GRID2: variants seen among roughly 807,000 people sequenced by gnomAD.
GRID2 encodes the protein glutamate ionotropic receptor delta type subunit 2.
A neutral mutation model predicts 114.8 loss-of-function variants in GRID2; 33 were observed. That is an observed-to-expected ratio of 0.29 (90% CI 0.22 to 0.38). The LOEUF (loss-of-function observed/expected upper bound fraction) is 0.38. Ranked by LOEUF, GRID2 falls within the 10% of genes least tolerant of loss-of-function variation. GRID2 has a pLI of 1.00. For missense variants in GRID2, 1,184 were observed against 1,257.7 expected (o/e 0.94, Z 0.89); for synonymous variants, 505 against 449.9 (o/e 1.12, Z -1.55).
intron 2 of GRID2, among the ~76,000 whole-genome samples, chr4:93,061,845 C>T (rs1406118710): frequency 6.6e-6 from 1 of 152,122 alleles, no homozygotes. Context: ...GAGGTAGACA[C>T]TACCTGACAG....
chr4:93,348,623 A>G (rs916736324), intron 8 of GRID2, among the ~76,000 whole-genome samples: 3 of 152,084 alleles, frequency 2.0e-5, no homozygotes, highest in African/African-American at 7.2e-5. Context: ...GAGGCCCCAG[A>G]CTGTGCTGGG....
At chr4:92,497,955 G>A (rs1456274173) in intron 1 of GRID2, among the ~76,000 whole-genome samples, 1 of 151,716 alleles carries the variant, frequency 6.6e-6, no homozygotes, top group African/African-American at 2.4e-5. Flanking sequence ...AATAAATACA[G>A]CTGTAAACAT....
rs573983397 is a variant in GRID2 at position 92,381,975 on chromosome 4, T to C, written c.88+77231T>C. ...ACTATTTTTTCAAGTTTTTCATGATTTTTCCCCCTAAGTGGAAATAGGATT... is the reference window on the plus strand; with the variant it reads ...ACTATTTTTTCAAGTTTTTCATGATCTTTCCCCCTAAGTGGAAATAGGATT... On this transcript the variant is annotated intron_variant, in intron 1 of 15. Transcript: ENST00000282020. Among the ~76,000 whole-genome samples the C allele has an allele frequency of 2.6e-5, 4 of 152,148 alleles. No homozygotes were observed. In the South Asian group the frequency reaches 8.3e-4, roughly 32 times the overall value.
intron 12 of GRID2, among the ~76,000 whole-genome samples, chr4:93,513,910 G>A (rs1391594465): frequency 6.6e-6 from 1 of 152,136 alleles, no homozygotes; most frequent in Non-Finnish European, 1.5e-5. Flanking sequence ...TGGTTGCAAA[G>A]ATCCTCAGGA....
chr4:92,865,874 A>G (rs1744826256), intron 2 of GRID2, among the ~76,000 whole-genome samples: 1 of 152,380 alleles, frequency 6.6e-6, no homozygotes, highest in Non-Finnish European at 1.5e-5. Flanking sequence ...AATGACACTA[A>G]CATGACAGCT....
chr4:92,587,098 CTGTGTGTGTGTGTGTGTGTGTGTG>C (rs70942914), intron 1 of GRID2, among the ~76,000 whole-genome samples: 1 of 133,842 alleles, frequency 7.5e-6, no homozygotes, highest in East Asian at 2.4e-4. Context: ...TGATGAAATG[CTGTGTGTGTGTGTGTGTGTGTGTG>C]TGTGTGTGTG....
At chr4:92,922,118 G>T (rs949021912) in intron 2 of GRID2, among the ~76,000 whole-genome samples, 2 of 152,172 alleles carry the variant, frequency 1.3e-5, no homozygotes, top group Non-Finnish European at 2.9e-5. Flanking sequence ...CAATGAGTGA[G>T]GCTCCGTGGG....
At chr4:92,570,627 T>C (rs1727562887) in intron 1 of GRID2, among the ~76,000 whole-genome samples, 1 of 152,098 alleles carries the variant, frequency 6.6e-6, no homozygotes, top group African/African-American at 2.4e-5. Flanking sequence ...ATTTCTGATT[T>C]ATTTGACAGT....
intron 4 of GRID2, among the ~76,000 whole-genome samples, chr4:93,142,081 G>T (rs975699191): frequency 6.6e-6 from 1 of 152,150 alleles, no homozygotes; most frequent in African/African-American, 2.4e-5. Flanking sequence ...GAGCATGGTG[G>T]TGTGTGCCTG....
chr4:92,953,807 CTTTAT>C (rs1427637390), intron 2 of GRID2, among the ~76,000 whole-genome samples: 3 of 152,042 alleles, frequency 2.0e-5, no homozygotes, highest in Admixed American at 6.6e-5. Context: ...CAGAAATGTG[CTTTAT>C]TTTAATATCA....
intron 1 of GRID2, among the ~76,000 whole-genome samples, chr4:92,384,117 GTGTGTGTATA>G (rs1377658243): frequency 6.6e-6 from 1 of 151,406 alleles, no homozygotes; most frequent in East Asian, 1.9e-4. Context: ...TAATTTGGCA[GTGTGTGTATA>G]TGTGTGTGTA....
At chr4:93,057,145 T>G (rs1330924341) in intron 2 of GRID2, among the ~76,000 whole-genome samples, 1 of 142,298 alleles carries the variant, frequency 7.0e-6, no homozygotes, top group Non-Finnish European at 1.5e-5. Context: ...CTGAAGTGTG[T>G]GAGTGTGTAT....
intron 1 of GRID2, among the ~76,000 whole-genome samples, chr4:92,531,588 T>C (rs915751957): frequency 2.0e-5 from 3 of 152,158 alleles, no homozygotes; most frequent in Non-Finnish European, 2.9e-5. Flanking sequence ...GTTGAAATAC[T>C]AACTACATTT....
chr4:93,548,233 T>C (rs1038667167), intron 13 of GRID2, among the ~76,000 whole-genome samples: 1 of 152,060 alleles, frequency 6.6e-6, no homozygotes, highest in African/African-American at 2.4e-5. Context: ...TTAGTAGCAA[T>C]TTCAAGGCTT....
intron 11 of GRID2, among the ~76,000 whole-genome samples, chr4:93,463,019 T>C (rs1723899554): frequency 6.6e-6 from 1 of 152,128 alleles, no homozygotes. Context: ...TCTCCATAAT[T>C]TTTATTTAGG....
intron 8 of GRID2, among the ~76,000 whole-genome samples, chr4:93,381,836 C>G (rs1763882965): frequency 1.3e-5 from 2 of 152,092 alleles, no homozygotes; most frequent in South Asian, 4.1e-4. Flanking sequence ...CTTACCTTTA[C>G]TGTGATATTT....
intron 4 of GRID2, among the ~76,000 whole-genome samples, chr4:93,122,102 T>C (rs892403361): frequency 6.6e-6 from 1 of 152,194 alleles, no homozygotes; most frequent in African/African-American, 2.4e-5. Context: ...TTATTTGTAA[T>C]GTAGTCCAAA....
At chr4:92,574,508 C>A (rs1368173103) in intron 1 of GRID2, among the ~76,000 whole-genome samples, 2 of 149,456 alleles carry the variant, frequency 1.3e-5, no homozygotes, top group African/African-American at 4.9e-5. Flanking sequence ...CTGGTGGTGA[C>A]AAATTCCCTA....
chr4:92,816,872 A>G (rs917995547), intron 2 of GRID2, among the ~76,000 whole-genome samples: 1 of 152,180 alleles, frequency 6.6e-6, no homozygotes, highest in Non-Finnish European at 1.5e-5. Flanking sequence ...AAAAACTGTT[A>G]AATTTAAAAA....
Sources: allele counts gnomAD v4.1 joint callset (sites outside exome capture counted in the v4.1 genomes callset), GRCh38; gene constraint gnomAD v4.1.1; transcripts MANE v1.5; gene names NCBI Gene and HGNC (gene_info 2026-07-23, HGNC 2026-07-21).